RIMS2: variants seen among roughly 807,000 people sequenced by gnomAD.
RIMS2 encodes regulating synaptic membrane exocytosis protein 2.
Under a neutral mutation model 174.4 loss-of-function variants are expected in RIMS2, and 59 were observed. The observed-to-expected ratio is 0.34, with a 90% confidence interval of 0.27 to 0.42. RIMS2 has a LOEUF of 0.42. RIMS2 is among the 10% of genes least tolerant of loss of function. The pLI, the probability that RIMS2 is intolerant of heterozygous loss-of-function variation, is 1.00. For missense variants in RIMS2, 1,620 were observed against 1,666.3 expected (o/e 0.97, Z 0.48); for synonymous variants, 606 against 572.5 (o/e 1.06, Z -0.84).
At chr8:104,251,209 TG>T in intron 23 of RIMS2, 46 bp downstream of exon 29, 3 of 1,490,024 alleles carry the variant, frequency 2.0e-6, no homozygotes, top group Non-Finnish European at 2.8e-6. Context: ...GTATTTTTCA[TG>T]GGGTCAGACA....
chr8:104,153,125 G>A (rs962416784), intron 19 of RIMS2, among the ~76,000 whole-genome samples: 4 of 152,124 alleles, frequency 2.6e-5, no homozygotes, highest in African/African-American at 7.2e-5. Context: ...AACACACATA[G>A]AGGCTAAGTT....
chr8:103,946,188 C>T (rs763160361), intron 14 of RIMS2, among the ~76,000 whole-genome samples: 19 of 152,114 alleles, frequency 1.2e-4, no homozygotes, highest in Non-Finnish European at 1.6e-4. Context: ...CATTTTAATA[C>T]TGAAATTAAG....
intron 1 of RIMS2, among the ~76,000 whole-genome samples, chr8:103,514,703 C>T (rs1283599721): frequency 6.6e-6 from 1 of 152,014 alleles, no homozygotes; most frequent in African/African-American, 2.4e-5. Context: ...CTGTTGGTCA[C>T]CATTGACGAG....
At chr8:103,940,062 C>A (rs1373318850) in intron 13 of RIMS2, among the ~76,000 whole-genome samples, 7 of 152,188 alleles carry the variant, frequency 4.6e-5, no homozygotes, top group Admixed American at 2.0e-4. Flanking sequence ...CTGCCCATTA[C>A]CCAGTTCCAA....
At chr8:103,608,554 G>T (rs1357519682) in intron 1 of RIMS2, among the ~76,000 whole-genome samples, 6 of 144,180 alleles carry the variant, frequency 4.2e-5, no homozygotes, top group African/African-American at 8.0e-5. Flanking sequence ...GTTTACCTAA[G>T]CAAGCCTGGG....
intron 1 of RIMS2, among the ~76,000 whole-genome samples, chr8:103,633,031 C>T (rs1161623695): frequency 1.1e-4 from 16 of 140,076 alleles, no homozygotes; most frequent in African/African-American, 4.1e-4. Flanking sequence ...CCGCGCCAGG[C>T]CTTTTTTTTT....
chr8:103,973,280 A>G (rs2154548108), intron 15 of RIMS2, among the ~76,000 whole-genome samples: 1 of 152,232 alleles, frequency 6.6e-6, no homozygotes, highest in African/African-American at 2.4e-5. Flanking sequence ...GTTTTCTCAA[A>G]TGGAAATGGA....
intron 4 of RIMS2, among the ~76,000 whole-genome samples, chr8:103,895,517 T>C (rs1291745128): frequency 1.3e-5 from 2 of 151,572 alleles, no homozygotes; most frequent in African/African-American, 4.9e-5. Flanking sequence ...TCCACTCTCA[T>C]GACTTCCCAA....
At chr8:103,924,507 C>T (rs1423867255) in intron 10 of RIMS2, among the ~76,000 whole-genome samples, 1 of 151,518 alleles carries the variant, frequency 6.6e-6, no homozygotes, top group African/African-American at 2.4e-5. Flanking sequence ...TATATCAACC[C>T]TAAGGAAAAC....
At chr8:103,902,139 G>A (rs2073272438) in intron 4 of RIMS2, among the ~76,000 whole-genome samples, 1 of 152,086 alleles carries the variant, frequency 6.6e-6, no homozygotes, top group Non-Finnish European at 1.5e-5. Flanking sequence ...ATTTCCTTTT[G>A]ACAAGAAGCT....
intron 19 of RIMS2, among the ~76,000 whole-genome samples, chr8:104,185,520 A>T (rs555862258): frequency 1.1e-4 from 16 of 151,710 alleles, no homozygotes; most frequent in Non-Finnish European, 1.8e-4. Context: ...TTGGCTATGT[A>T]GATAGAAATT....
chr8:104,244,894 C>T, intron 19 of RIMS2, 22 bp from the exon 26 acceptor site: 1 of 1,606,336 alleles, frequency 6.2e-7, no homozygotes, highest in Non-Finnish European at 8.5e-7. Flanking sequence ...AGCTGTTACA[C>T]TTTTTGTTTC....
chr8:103,652,557 A>G, intron 1 of RIMS2, 67 bp from the exon 3 acceptor site: 2 of 820,682 alleles, frequency 2.4e-6, no homozygotes, highest in South Asian at 2.8e-5. Context: ...TATTATGGAT[A>G]AGAAAACGTT....
chr8:103,635,093 A>G (rs569840475), intron 1 of RIMS2, among the ~76,000 whole-genome samples: 3 of 151,946 alleles, frequency 2.0e-5, no homozygotes, highest in South Asian at 4.1e-4. Flanking sequence ...GCCTGTTTGT[A>G]TGGTTATTAT....
At chr8:104,095,705 A>C (rs562508586) in intron 19 of RIMS2, among the ~76,000 whole-genome samples, 1 of 152,120 alleles carries the variant, frequency 6.6e-6, no homozygotes, top group Non-Finnish European at 1.5e-5. Flanking sequence ...GGAGTTTTCT[A>C]GTAGTCCAGA....
At position 103,920,425 on chromosome 8, in the gene RIMS2, C is replaced by T. The variant is rs145401327; in HGVS notation, c.2084-1247C>T. 2.4e-3 allele frequency among the ~76,000 whole-genome samples: 367 copies of T among 152,186 alleles called. 2 individuals carry two copies. Among genetic ancestry groups the T allele is most frequent in the Non-Finnish European group, 3.9e-3 (267 of 67,998 alleles). On this transcript the variant is annotated intron_variant, in intron 9 of 23. Coordinates refer to ENST00000504942, the Ensembl canonical transcript of RIMS2. Reference sequence around the variant, plus strand: ...AACAACAACAACAAAAAAAACCCAGCTTATTTCTTAGTAGAAAGCTTTCAT... The same window carrying T: ...AACAACAACAACAAAAAAAACCCAGTTTATTTCTTAGTAGAAAGCTTTCAT...
chr8:103,915,408 A>C, intron 6 of RIMS2, 87 bp from the exon 10 acceptor site: 1 of 652,360 alleles, frequency 1.5e-6, no homozygotes. Context: ...AGGTGTTGCA[A>C]ATTGTTCTAG....
intron 3 of RIMS2, among the ~76,000 whole-genome samples, chr8:103,826,120 C>T (rs965033744): frequency 2.6e-5 from 4 of 151,952 alleles, no homozygotes; most frequent in African/African-American, 4.8e-5. Flanking sequence ...TTATTAAATT[C>T]GCTAGTAAGT....
intron 1 of RIMS2, among the ~76,000 whole-genome samples, chr8:103,582,522 A>T (rs927963016): frequency 1.3e-5 from 2 of 152,130 alleles, no homozygotes; most frequent in African/African-American, 4.8e-5. Flanking sequence ...CTTAGATGGT[A>T]TTTCTGGATG....
Sources: allele counts gnomAD v4.1 joint callset (sites outside exome capture counted in the v4.1 genomes callset), GRCh38; gene constraint gnomAD v4.1.1; transcripts MANE v1.5; gene names NCBI Gene and HGNC (gene_info 2026-07-23, HGNC 2026-07-21).